Variants in CSMD1 observed in about 807,000 individuals in gnomAD.
CSMD1 encodes the protein CUB and sushi domain-containing protein 1.
In CSMD1, 213 loss-of-function variants were observed where a neutral mutation model predicts 417.5. The ratio of observed to expected loss-of-function variants is 0.51; its 90% CI spans 0.46 to 0.57. The LOEUF (loss-of-function observed/expected upper bound fraction) is 0.57. Among genes scored for constraint, CSMD1 ranks in the 20% least tolerant of loss-of-function variants. The pLI, the probability that CSMD1 is intolerant of heterozygous loss-of-function variation, is 0.00. For missense variants in CSMD1, 6,923 were observed against 4,529.7 expected, an observed-to-expected ratio of 1.53 and a Z score of -15.17; for synonymous variants, 2,862 against 1,736.8, an observed-to-expected ratio of 1.65 and a Z score of -16.11.
chr8:4,453,823 T>G lies in CSMD1; in HGVS notation c.303-33758A>C, dbSNP rs1158411558. ...ATTGCGCAATTCGTTTCTTTTTTTT[T>G]TTTTTTTTTTTTTTTTGAGACAGAG... is the stretch of plus-strand genomic sequence containing the variant. On this transcript the variant is annotated intron_variant, in intron 2 of 69. Coordinates refer to ENST00000635120, the MANE Select transcript of CSMD1 (RefSeq NM_033225.6). 2.7e-3 allele frequency among the ~76,000 whole-genome samples: 351 copies of G among 128,024 alleles called. 2 individuals carry two copies. Among genetic ancestry groups the G allele is most frequent in the African/African-American group, 9.8e-3 (333 of 34,016 alleles). The allele number at this position is 128,024 out of a possible 152,430, so 84.0% of individuals were successfully genotyped here. A position where few individuals can be genotyped will look rare whatever the true frequency, so the allele number is the denominator to read the frequency against.
At chr8:4,471,339 C>T (rs1463498251) in intron 2 of CSMD1, among the ~76,000 whole-genome samples, 1 of 152,106 alleles carries the variant, frequency 6.6e-6, no homozygotes, top group Non-Finnish European at 1.5e-5. Context: ...ATCACTATAT[C>T]GCAGCTTATT....
intron 6 of CSMD1, among the ~76,000 whole-genome samples, chr8:3,711,325 G>A (rs1278058904): frequency 1.3e-5 from 2 of 152,180 alleles, no homozygotes; most frequent in African/African-American, 2.4e-5. Flanking sequence ...GGAAGACGAG[G>A]AGGTGGGCCA....
chr8:3,251,399 C>T (rs1193014211), intron 26 of CSMD1, among the ~76,000 whole-genome samples: 1 of 152,038 alleles, frequency 6.6e-6, no homozygotes, highest in African/African-American at 2.4e-5. Context: ...TTTCTGAGGG[C>T]TCTGTTCTGT....
At chr8:3,079,220 T>C (rs184288126) in intron 49 of CSMD1, among the ~76,000 whole-genome samples, 86 of 152,306 alleles carry the variant, frequency 5.6e-4, no homozygotes, top group Admixed American at 1.6e-3. Context: ...TGATGGGAGT[T>C]GGCCAGTTTG....
At chr8:4,594,803 T>G (rs982653236) in intron 2 of CSMD1, among the ~76,000 whole-genome samples, 13 of 152,214 alleles carry the variant, frequency 8.5e-5, no homozygotes, top group Non-Finnish European at 1.8e-4. Flanking sequence ...ATCATATTTC[T>G]GATGTTACCC....
At chr8:3,326,712 G>A (rs983770967) in intron 23 of CSMD1, among the ~76,000 whole-genome samples, 2 of 152,142 alleles carry the variant, frequency 1.3e-5, no homozygotes. Flanking sequence ...CAGGCAGCCT[G>A]TCTCCCTATT....
chr8:4,287,298 A>T (rs894886566), intron 3 of CSMD1, among the ~76,000 whole-genome samples: 3 of 152,132 alleles, frequency 2.0e-5, no homozygotes, highest in Non-Finnish European at 4.4e-5. Context: ...GTAACTCTTT[A>T]TTTTCAGATA....
intron 11 of CSMD1, among the ~76,000 whole-genome samples, chr8:3,472,355 C>G (rs562170590): frequency 3.3e-5 from 5 of 152,218 alleles, no homozygotes; most frequent in African/African-American, 1.2e-4. Flanking sequence ...AACACACTTC[C>G]CAATTCTTGG....
rs149325165 is a variant in CSMD1, at chr8:4,106,209, C to T, written c.416-74110G>A. Among the ~76,000 whole-genome samples the T allele has an allele frequency of 1.6e-3, 245 of 152,248 alleles. 2 individuals are homozygous for T. The highest frequency in any genetic ancestry group is 5.4e-3 in the African/African-American group (224 of 41,544). On this transcript the variant is annotated intron_variant, in intron 3 of 69. Coordinates refer to ENST00000635120, the MANE Select transcript of CSMD1 (RefSeq NM_033225.6). ...ACACCCGGAGATCTATGAGAGGAAT[C>T]CAGCATTGGGTCAGGGAGTGATCTA...
rs868157537 is a variant in CSMD1 at position 4,579,468 on chromosome 8, C to A, written c.302+57874G>T. 5.3e-5 allele frequency among the ~76,000 whole-genome samples: 8 copies of A among 152,020 alleles called. No homozygotes were observed. The Middle Eastern group carries it at 0.01, about 194-fold the overall frequency. On this transcript the variant is annotated intron_variant, in intron 2 of 69. Transcript: ENST00000635120. ...CCGCCTCCCAGGTTCAAGTAATTCT[C>A]CTGCCTCCCTTAGCCTCTTAAGTAG...
intron 10 of CSMD1, among the ~76,000 whole-genome samples, chr8:3,516,508 C>A (rs78450349): frequency 6.6e-6 from 1 of 152,156 alleles, no homozygotes; most frequent in Non-Finnish European, 1.5e-5. Context: ...CTATGCTACT[C>A]CTCTCATTAC....
At chr8:3,483,528 T>C (rs551307410) in intron 11 of CSMD1, among the ~76,000 whole-genome samples, 25 of 152,210 alleles carry the variant, frequency 1.6e-4, no homozygotes, top group South Asian at 8.3e-4. Context: ...ATGGTTTCAA[T>C]AGAAAATTCT....
At chr8:3,338,077 G>A (rs1044703772) in intron 23 of CSMD1, among the ~76,000 whole-genome samples, 2 of 152,200 alleles carry the variant, frequency 1.3e-5, no homozygotes, top group African/African-American at 4.8e-5. Flanking sequence ...TTGTGGGATT[G>A]GAATTGTGTC....
intron 5 of CSMD1, among the ~76,000 whole-genome samples, chr8:3,953,688 G>A (rs1041478544): frequency 2.6e-5 from 4 of 152,114 alleles, no homozygotes; most frequent in African/African-American, 7.2e-5. Flanking sequence ...ATGGCGGGGA[G>A]GGGTGAGGGG....
At chr8:4,622,235 T>C (rs566498187) in intron 2 of CSMD1, among the ~76,000 whole-genome samples, 7 of 145,844 alleles carry the variant, frequency 4.8e-5, no homozygotes, top group African/African-American at 1.5e-4. Context: ...TCAGGCAGAG[T>C]ACTCAAAGAA....
chr8:4,830,330 C>T (rs1240466363), intron 1 of CSMD1, among the ~76,000 whole-genome samples: 1 of 152,198 alleles, frequency 6.6e-6, no homozygotes, highest in Admixed American at 6.5e-5. Flanking sequence ...TCACTGCCAG[C>T]ATCTACCAAG....
intron 26 of CSMD1, among the ~76,000 whole-genome samples, chr8:3,264,826 C>G (rs1345029963): frequency 6.6e-6 from 1 of 151,718 alleles, no homozygotes; most frequent in Non-Finnish European, 1.5e-5. Context: ...ACTGTAAAAA[C>G]TATACTGATA....
At position 3,422,472 on chromosome 8, in the gene CSMD1, T is replaced by C. The variant is rs556699191; in HGVS notation, c.1562-12867A>G. On this transcript the variant is annotated intron_variant, in intron 12 of 69. Transcript: ENST00000635120. ...AAAAATATCATGTGCATTTCAGTAA[T>C]TCTTATAATTGAGTCTGTCTGAAAG... 2.2e-3 allele frequency among the ~76,000 whole-genome samples: 331 copies of C among 152,284 alleles called. 8 individuals carry two copies. The highest frequency in any genetic ancestry group is 2.4e-4 in the Non-Finnish European group (16 of 68,022).
intron 7 of CSMD1, among the ~76,000 whole-genome samples, chr8:3,634,958 A>T (rs1426072046): frequency 6.6e-6 from 1 of 152,196 alleles, no homozygotes; most frequent in Non-Finnish European, 1.5e-5. Context: ...GTACTGAATA[A>T]TGCAGGCAAC....
Sources: gnomAD v4.1 joint callset for allele counts (sites outside exome capture counted in the v4.1 genomes callset) on GRCh38, gnomAD v4.1.1 for gene constraint, MANE v1.5 for transcripts, NCBI Gene and HGNC (gene_info 2026-07-23, HGNC 2026-07-21) for gene names.